The following KIAA1217 variants were observed in gnomAD, a reference collection of about 807,000 sequenced individuals.
The protein encoded by KIAA1217 is KIAA1217.
Under a neutral mutation model 163.9 loss-of-function variants are expected in KIAA1217, and 88 were observed. The ratio of observed to expected loss-of-function variants is 0.54; its 90% CI spans 0.45 to 0.64. The LOEUF is 0.64. Ranked by LOEUF, KIAA1217 falls within the 30% of genes least tolerant of loss-of-function variation. KIAA1217 has a pLI of 0.00. For missense variants in KIAA1217, 2,372 were observed against 2,475.0 expected, an observed-to-expected ratio of 0.96 and a Z score of 0.88; for synonymous variants, 903 against 923.1, an observed-to-expected ratio of 0.98 and a Z score of 0.39.
chr10:24,024,228 C>T (rs1410243677), intron 2 of KIAA1217, among the ~76,000 whole-genome samples: 1 of 151,164 alleles, frequency 6.6e-6, no homozygotes, highest in Admixed American at 6.6e-5. Context: ...GTTTTGTAAC[C>T]ACCAGCATAA....
chr10:24,069,459 C>A (rs2061099538), intron 2 of KIAA1217, among the ~76,000 whole-genome samples: 1 of 152,198 alleles, frequency 6.6e-6, no homozygotes, highest in Non-Finnish European at 1.5e-5. Context: ...CACTCTGAGA[C>A]AAGTGGAATA....
At chr10:24,240,309 C>A (rs372463958) in intron 2 of KIAA1217, among the ~76,000 whole-genome samples, 1 of 152,070 alleles carries the variant, frequency 6.6e-6, no homozygotes, top group Non-Finnish European at 1.5e-5. Flanking sequence ...GAGGTTAAAG[C>A]GGAGTTCAGA....
chr10:24,065,232 G>A (rs577766318), intron 2 of KIAA1217, among the ~76,000 whole-genome samples: 18 of 152,128 alleles, frequency 1.2e-4, no homozygotes, highest in East Asian at 3.9e-4. Flanking sequence ...TAATTGTGAC[G>A]TTAGGGTGTC....
At chr10:24,448,286 G>A (rs376321387) in intron 5 of KIAA1217, among the ~76,000 whole-genome samples, 80 of 152,230 alleles carry the variant, frequency 5.3e-4, no homozygotes, top group African/African-American at 1.9e-3. Flanking sequence ...TTCACCTGTG[G>A]TAGAACGTAA....
intron 1 of KIAA1217, among the ~76,000 whole-genome samples, chr10:23,870,997 G>GT (rs971330176): frequency 2.2e-4 from 33 of 147,864 alleles, no homozygotes; most frequent in East Asian, 8.0e-4. Context: ...ACTTAGGTTT[G>GT]TTTTTTTTTC....
intron 2 of KIAA1217, among the ~76,000 whole-genome samples, chr10:24,230,350 G>A (rs541718427): frequency 6.6e-6 from 1 of 152,130 alleles, no homozygotes; most frequent in South Asian, 2.1e-4. Flanking sequence ...AATCCGAAAT[G>A]CTCCACCATG....
intron 2 of KIAA1217, among the ~76,000 whole-genome samples, chr10:24,314,729 T>C (rs984764678): frequency 2.6e-5 from 4 of 151,964 alleles, no homozygotes; most frequent in African/African-American, 9.7e-5. Flanking sequence ...ATCATGATTG[T>C]CAGGAGATTG....
intron 1 of KIAA1217, among the ~76,000 whole-genome samples, chr10:23,773,291 C>T (rs900568570): frequency 6.6e-6 from 1 of 151,960 alleles, no homozygotes; most frequent in Non-Finnish European, 1.5e-5. Context: ...GGCGTTATTT[C>T]TGAGGGCTCT....
At chr10:24,385,528 C>T (rs986214674) in intron 3 of KIAA1217, among the ~76,000 whole-genome samples, 1 of 152,116 alleles carries the variant, frequency 6.6e-6, no homozygotes, top group Non-Finnish European at 1.5e-5. Flanking sequence ...ACACACAAGT[C>T]CTTTCTGAGG....
chr10:24,218,286 C>G (rs1343793624), intron 1 of KIAA1217, among the ~76,000 whole-genome samples: 3 of 152,140 alleles, frequency 2.0e-5, no homozygotes, highest in Non-Finnish European at 2.9e-5. Context: ...GCTCCCCACT[C>G]TCAGCATTGA....
At chr10:24,130,034 A>G (rs1313131886) in intron 2 of KIAA1217, among the ~76,000 whole-genome samples, 1 of 152,080 alleles carries the variant, frequency 6.6e-6, no homozygotes, top group Non-Finnish European at 1.5e-5. Context: ...CATATTCTTC[A>G]GAAACTTGTT....
intron 1 of KIAA1217, among the ~76,000 whole-genome samples, chr10:23,960,982 A>G (rs1471603064): frequency 1.3e-5 from 2 of 152,220 alleles, no homozygotes; most frequent in Non-Finnish European, 1.5e-5. Context: ...TTCAAATTAT[A>G]TTTTTATGGA....
intron 2 of KIAA1217, among the ~76,000 whole-genome samples, chr10:24,276,892 G>A (rs953582801): frequency 6.6e-5 from 10 of 151,636 alleles, no homozygotes; most frequent in Middle Eastern, 3.4e-3. Flanking sequence ...ACAGGCATGA[G>A]CCACCACACC....
Position 23,737,219 on chromosome 10 carries a change from G to A in KIAA1217, c.-321+41985G>A, listed in dbSNP as rs536539839. On this transcript the variant is annotated intron_variant, in intron 1 of 18. Transcript: ENST00000376462. Reference sequence around the variant, plus strand: ...GACTTACATTAACATATTTTTTTTTGAGACGGAGTCTCGCTCTGTCATCAG... The same window carrying A: ...GACTTACATTAACATATTTTTTTTTAAGACGGAGTCTCGCTCTGTCATCAG... Among the ~76,000 whole-genome samples the A allele has an allele frequency of 5.3e-5, 8 of 151,082 alleles. No homozygotes were observed. In the South Asian group the frequency reaches 1.3e-3, roughly 24 times the overall value.
At chr10:24,045,707 G>A (rs186909961) in intron 2 of KIAA1217, among the ~76,000 whole-genome samples, 51 of 152,100 alleles carry the variant, frequency 3.4e-4, no homozygotes, top group Admixed American at 1.9e-3. Flanking sequence ...CAATATATTC[G>A]TGTGCTTCAT....
intron 1 of KIAA1217, among the ~76,000 whole-genome samples, chr10:23,754,923 G>A (rs1340162613): frequency 6.7e-6 from 1 of 149,934 alleles, no homozygotes; most frequent in African/African-American, 2.5e-5. Flanking sequence ...TGCATTAAGA[G>A]GAAGAATAAA....
intron 1 of KIAA1217, among the ~76,000 whole-genome samples, chr10:23,939,182 A>G (rs971635847): frequency 6.6e-6 from 1 of 152,218 alleles, no homozygotes; most frequent in African/African-American, 2.4e-5. Flanking sequence ...CAGAAAGTAA[A>G]AAAGGAGCAA....
At chr10:24,153,394 C>A (rs1321730257) in intron 2 of KIAA1217, among the ~76,000 whole-genome samples, 1 of 152,212 alleles carries the variant, frequency 6.6e-6, no homozygotes, top group Non-Finnish European at 1.5e-5. Flanking sequence ...AAAACATGTT[C>A]TGTGGTTACA....
intron 1 of KIAA1217, among the ~76,000 whole-genome samples, chr10:23,839,973 A>G (rs1409685536): frequency 6.6e-6 from 1 of 152,120 alleles, no homozygotes; most frequent in East Asian, 1.9e-4. Context: ...TGCAGAACAC[A>G]GCTCCTATAT....
Sources: allele counts gnomAD v4.1 joint callset (sites outside exome capture counted in the v4.1 genomes callset), GRCh38; gene constraint gnomAD v4.1.1; transcripts MANE v1.5; gene names NCBI Gene and HGNC (gene_info 2026-07-23, HGNC 2026-07-21).